FHIT: variants seen among roughly 807,000 people sequenced by gnomAD.
FHIT encodes the protein fragile histidine triad diadenosine triphosphatase, also known as bis(5'-adenosyl)-triphosphatase.
Under a neutral mutation model 17.9 loss-of-function variants are expected in FHIT, and 19 were observed. The observed-to-expected ratio is 1.06, with a 90% confidence interval of 0.74 to 1.56. The LOEUF (loss-of-function observed/expected upper bound fraction) is 1.56, where lower values mean the gene tolerates loss of function less well. FHIT is among the 40% of genes most tolerant of loss of function. The probability of loss-of-function intolerance (pLI) is 0.00; values close to 1 mark genes in which losing one functional copy is unlikely to be tolerated. For synonymous variants in FHIT, 81 were observed against 69.7 expected, an observed-to-expected ratio of 1.16 and a Z score of -0.81; for missense variants, 248 against 189.2, an observed-to-expected ratio of 1.31 and a Z score of -1.82.
intron 4 of FHIT, among the ~76,000 whole-genome samples, chr3:60,552,256 A>G (rs190305602): frequency 6.6e-6 from 1 of 152,288 alleles, no homozygotes; most frequent in African/African-American, 2.4e-5. Flanking sequence ...TTGTTACTAC[A>G]TTTTTGGACG....
chr3:60,738,603 T>A (rs2042179603), intron 4 of FHIT, among the ~76,000 whole-genome samples: 2 of 152,216 alleles, frequency 1.3e-5, no homozygotes, highest in Admixed American at 1.3e-4. Context: ...AGAAGAGCTA[T>A]CCCTGAGACA....
intron 5 of FHIT, among the ~76,000 whole-genome samples, chr3:60,351,494 G>C (rs1342515233): frequency 6.6e-6 from 1 of 152,292 alleles, no homozygotes; most frequent in African/African-American, 2.4e-5. Flanking sequence ...AACAGAGGTA[G>C]TCAAGAGCAG....
At chr3:60,336,343 T>C (rs1482676368) in intron 5 of FHIT, among the ~76,000 whole-genome samples, 8 of 152,344 alleles carry the variant, frequency 5.3e-5, no homozygotes, top group African/African-American at 1.9e-4. Context: ...GAGCGCCATT[T>C]TGGCTCTTCT....
intron 5 of FHIT, among the ~76,000 whole-genome samples, chr3:60,521,968 G>A (rs1292290063): frequency 2.6e-5 from 4 of 152,136 alleles, no homozygotes; most frequent in Admixed American, 2.6e-4. Flanking sequence ...GAAGGCCTCT[G>A]TGTGTAAGTG....
At chr3:61,158,401 C>T (rs77141089) in intron 2 of FHIT, among the ~76,000 whole-genome samples, 13,352 of 152,090 alleles carry the variant, frequency 0.088, 773 homozygotes, top group South Asian at 0.2. Context: ...CAAATAAAAC[C>T]GCAGGCCACC....
At chr3:60,580,366 T>C (rs1276812014) in intron 4 of FHIT, among the ~76,000 whole-genome samples, 9 of 152,114 alleles carry the variant, frequency 5.9e-5, no homozygotes, top group African/African-American at 2.2e-4. Flanking sequence ...GTGAAATTAA[T>C]GAATAATCTC....
At chr3:61,201,049 C>A (rs1358017818) in intron 1 of FHIT, among the ~76,000 whole-genome samples, 1 of 152,170 alleles carries the variant, frequency 6.6e-6, no homozygotes, top group Non-Finnish European at 1.5e-5. Flanking sequence ...TTCTTGCATG[C>A]TCTATTTCCA....
At chr3:60,423,972 T>A (rs1702569392) in intron 5 of FHIT, among the ~76,000 whole-genome samples, 1 of 152,302 alleles carries the variant, frequency 6.6e-6, no homozygotes, top group East Asian at 1.9e-4. Context: ...ATGTTGTACT[T>A]CTTTCTGCTT....
At chr3:60,047,329 C>T (rs1701694310) in intron 5 of FHIT, among the ~76,000 whole-genome samples, 1 of 152,318 alleles carries the variant, frequency 6.6e-6, no homozygotes, top group African/African-American at 2.4e-5. Context: ...TTTCTTGTGC[C>T]TGTAACTGCT....
intron 5 of FHIT, among the ~76,000 whole-genome samples, chr3:60,098,044 C>T (rs9758551): frequency 6.6e-6 from 1 of 151,208 alleles, no homozygotes; most frequent in Admixed American, 6.6e-5. Flanking sequence ...AGGACATGAA[C>T]TGATTATTTT....
chr3:59,804,485 A>G (rs1559620960), intron 8 of FHIT, among the ~76,000 whole-genome samples: 1 of 152,200 alleles, frequency 6.6e-6, no homozygotes, highest in Non-Finnish European at 1.5e-5. Context: ...ACAAAAGCAG[A>G]GATTTATTGA....
intron 4 of FHIT, among the ~76,000 whole-genome samples, chr3:60,539,592 C>G (rs1273965575): frequency 6.6e-6 from 1 of 152,152 alleles, no homozygotes; most frequent in Non-Finnish European, 1.5e-5. Flanking sequence ...AGCACATATA[C>G]GTGGAATACT....
intron 1 of FHIT, among the ~76,000 whole-genome samples, chr3:61,209,112 A>T (rs1315022077): frequency 6.6e-6 from 1 of 152,046 alleles, no homozygotes; most frequent in East Asian, 1.9e-4. Context: ...CTGGGTTGAA[A>T]ATTCTTTCCT....
chr3:60,206,761 T>C (rs1448554372), intron 5 of FHIT, among the ~76,000 whole-genome samples: 3 of 149,756 alleles, frequency 2.0e-5, no homozygotes, highest in East Asian at 2.0e-4. Context: ...ATAGAGTACA[T>C]TGCTGAATGT....
intron 8 of FHIT, among the ~76,000 whole-genome samples, chr3:59,921,014 C>G (rs994747969): frequency 6.6e-6 from 1 of 152,148 alleles, no homozygotes; most frequent in Admixed American, 6.5e-5. Context: ...ACGGGACCTC[C>G]TGGGAATTGA....
At chr3:60,867,730 A>G (rs1553754157) in intron 3 of FHIT, among the ~76,000 whole-genome samples, 2 of 152,170 alleles carry the variant, frequency 1.3e-5, no homozygotes, top group Non-Finnish European at 2.9e-5. Flanking sequence ...TTTCTCCCCC[A>G]AAAGTTCACA....
At chr3:60,354,532 C>T (rs1359868889) in intron 5 of FHIT, among the ~76,000 whole-genome samples, 3 of 152,062 alleles carry the variant, frequency 2.0e-5, no homozygotes, top group African/African-American at 7.2e-5. Context: ...GAATTCAATG[C>T]CAGTTAAGTC....
intron 5 of FHIT, among the ~76,000 whole-genome samples, chr3:60,147,562 T>C (rs1171558088): frequency 6.6e-6 from 1 of 152,190 alleles, no homozygotes; most frequent in Non-Finnish European, 1.5e-5. Flanking sequence ...GGCTTTATAC[T>C]GCATAGGTCT....
rs531444353 is a variant in FHIT at position 60,088,568 on chromosome 3, G to C, written c.104-74416C>G. Among the ~76,000 whole-genome samples the C allele has an allele frequency of 7.2e-5, 11 of 152,192 alleles. No homozygotes were observed. In the East Asian group the frequency reaches 1.4e-3, roughly 19 times the overall value. On this transcript the variant is annotated intron_variant, in intron 5 of 9. Transcript: ENST00000492590. The stretch of plus-strand genomic sequence containing the variant: ...TCTTGAGTCCTGACTTCTTCAGCAA[G>C]GTCTCCTCAGTTTCCACAATCAGAG...
Sources: allele counts gnomAD v4.1 joint callset (sites outside exome capture counted in the v4.1 genomes callset), GRCh38; gene constraint gnomAD v4.1.1; transcripts MANE v1.5; gene names NCBI Gene and HGNC (gene_info 2026-07-23, HGNC 2026-07-21).